The following HINT1 variants were observed in gnomAD, a reference collection of about 807,000 sequenced individuals.
HINT1 encodes the protein adenosine 5'-monophosphoramidase HINT1.
In HINT1, 12 loss-of-function variants were observed where a neutral mutation model predicts 11.2. The ratio of observed to expected loss-of-function variants is 1.07; its 90% confidence interval spans 0.69 to 1.74. The LOEUF (loss-of-function observed/expected upper bound fraction) is 1.74. HINT1 is among the 40% of genes most tolerant of loss of function. The pLI is 0.00. For synonymous variants in HINT1, 42 were observed against 52.6 expected (o/e 0.80, Z 0.87); for missense variants, 150 against 161.8 (o/e 0.93, Z 0.40).
At chr5:131,163,563 G>A (rs1029155875) in intron 1 of HINT1, among the ~76,000 whole-genome samples, 18 of 150,180 alleles carry the variant, frequency 1.2e-4, no homozygotes, top group Middle Eastern at 7.0e-3. Context: ...CCAGGTCAGA[G>A]TCCTAGTTGT....
Position 131,165,235 on chromosome 5 carries a change from G to A in HINT1, c.-30C>T, listed in dbSNP as rs1162559436. On this transcript the variant is annotated 5_prime_UTR_variant, in exon 1 of 3. Transcript: ENST00000304043. ...GCCTCTCTCCCGCGCGGCGGCCAGAGGAGAGGCTCGGAAGAAGGGAGGAAC... is the reference window on the plus strand; with the variant it reads ...GCCTCTCTCCCGCGCGGCGGCCAGAAGAGAGGCTCGGAAGAAGGGAGGAAC... The A allele has an allele frequency of 8.8e-6, 14 of 1,595,974 alleles. No individual in the cohort carries two copies. The highest frequency in any genetic ancestry group is 1.2e-5 in the Non-Finnish European group (14 of 1,176,884).
Position 131,162,249 on chromosome 5 carries a change from G to T in HINT1, c.216+323C>A, listed in dbSNP as rs564168164. The T allele has an allele frequency of 1.0e-4, 60 of 599,852 alleles. 1 individual carries two copies. The African/African-American group carries it at 1.0e-3, about 10-fold the overall frequency. The allele number at this position is 599,852 out of a possible 1,614,324, so 37.2% of individuals were successfully genotyped here. A position where few individuals can be genotyped will look rare whatever the true frequency, so the allele number is the denominator to read the frequency against. The stretch of plus-strand genomic sequence containing the variant: ...GAGGCAGGAGAATGGTGTGAACCAG[G>T]GAGGTGGAGCTTGCAGTGAGCCGAG... On this transcript the variant is annotated intron_variant, in intron 2 of 2. Transcript: ENST00000304043.
chr5:131,162,964 A>G (rs932351509), intron 1 of HINT1, among the ~76,000 whole-genome samples: 1 of 151,904 alleles, frequency 6.6e-6, no homozygotes, highest in Non-Finnish European at 1.5e-5. Flanking sequence ...CGGCCTCCCA[A>G]GTAGCTGGGA....
chr5:131,163,745 CTAAT>C (rs891856942), intron 1 of HINT1, among the ~76,000 whole-genome samples: 4 of 152,122 alleles, frequency 2.6e-5, no homozygotes, highest in East Asian at 1.9e-4. Flanking sequence ...AGCATTTAGA[CTAAT>C]TATTTAAAAC....
Position 131,162,409 on chromosome 5 carries a change from C to G in HINT1, c.216+163G>C, listed in dbSNP as rs979039347. The G allele has an allele frequency of 2.8e-6, 4 of 1,416,006 alleles. No individual in the cohort carries two copies. The African/African-American group carries it at 5.7e-5, about 20-fold the overall frequency. The allele number at this position is 1,416,006 out of a possible 1,614,324, so 87.7% of individuals were successfully genotyped here. A position where few individuals can be genotyped will look rare whatever the true frequency, so the allele number is the denominator to read the frequency against. ...ATTGCTGGTGGGATACAAAATGATG[C>G]AGTAACTTTGGAAAACAGCTGGGCA... On this transcript the variant is annotated intron_variant, in intron 2 of 2. Coordinates refer to ENST00000304043, the MANE Select transcript of HINT1 (RefSeq NM_005340.7).
chr5:131,163,785 TGAATATTTTC>T (rs1284984424), intron 1 of HINT1, among the ~76,000 whole-genome samples: 2 of 152,200 alleles, frequency 1.3e-5, no homozygotes, highest in Non-Finnish European at 2.9e-5. Flanking sequence ...ACATATGACA[TGAATATTTTC>T]GAATCTCTTG....
At position 131,162,385 on chromosome 5, in the gene HINT1, T is replaced by C. The variant is rs1263970446; in HGVS notation, c.216+187A>G. The C allele has an allele frequency of 3.4e-6, 4 of 1,179,914 alleles. No homozygotes were observed. In the South Asian group the frequency reaches 3.9e-5, roughly 12 times the overall value. 73.1% of individuals were successfully genotyped at this position (1,179,914 alleles called of 1,614,324 possible). A position where few individuals can be genotyped will look rare whatever the true frequency, so the allele number is the denominator to read the frequency against. Reference sequence around the variant, plus strand: ...ACGGAGAAGCTGGAACGCTCATTCATTGCTGGTGGGATACAAAATGATGCA... The same window carrying C: ...ACGGAGAAGCTGGAACGCTCATTCACTGCTGGTGGGATACAAAATGATGCA... On this transcript the variant is annotated intron_variant, in intron 2 of 2. Coordinates refer to ENST00000304043, the MANE Select transcript of HINT1 (RefSeq NM_005340.7).
At chr5:131,162,697 T>A in intron 1 of HINT1, 21 bp from the exon 2 acceptor site, 7 of 1,484,278 alleles carry the variant, frequency 4.7e-6, no homozygotes, top group Non-Finnish European at 6.5e-6. Context: ...GAGAAATAAA[T>A]AAATAAATCA....
intron 2 of HINT1, 194 bp downstream of exon 2, chr5:131,162,378 T>G (rs1278251982): frequency 1.9e-6 from 2 of 1,037,860 alleles, no homozygotes; most frequent in South Asian, 2.7e-5. Flanking sequence ...GCTGGAACGC[T>G]CATTCATTGC....
At chr5:131,160,283 T>A (rs1327753137) in intron 2 of HINT1, among the ~76,000 whole-genome samples, 3 of 152,232 alleles carry the variant, frequency 2.0e-5, no homozygotes, top group African/African-American at 7.2e-5. Context: ...TCTATTGCAT[T>A]GTCGGGACTT....
chr5:131,160,968 C>G, intron 2 of HINT1: 1 of 351,374 alleles, frequency 2.8e-6, no homozygotes, highest in Non-Finnish European at 5.8e-6. Context: ...GTGTCTTACA[C>G]GCATTTTCAA....
intron 2 of HINT1, chr5:131,162,318 CAAAA>C (rs58181774): frequency 3.3e-4 from 192 of 585,474 alleles, no homozygotes; most frequent in South Asian, 4.5e-4. Context: ...GACTCTGTCT[CAAAA>C]AAAAAAAAAA....
intron 2 of HINT1, among the ~76,000 whole-genome samples, chr5:131,161,649 A>G (rs1226380811): frequency 2.6e-5 from 4 of 152,182 alleles, no homozygotes; most frequent in South Asian, 2.1e-4. Flanking sequence ...GTTATTGCAT[A>G]TAAGACGGTA....
intron 2 of HINT1, 23 bp from the exon 3 acceptor site, chr5:131,159,634 T>C (rs1755199167): frequency 6.2e-7 from 1 of 1,601,910 alleles, no homozygotes; most frequent in South Asian, 1.1e-5. Flanking sequence ...AAAAAGTTTC[T>C]TAGGCACAGG....
In HINT1 at chr5:131,161,082, G is replaced by A. The variant is rs902161890; in HGVS notation, c.217-1471C>T. 2.0e-5 allele frequency among the ~76,000 whole-genome samples: 3 copies of A among 152,184 alleles called. No individual in the cohort carries two copies. The South Asian group carries it at 6.2e-4, about 32-fold the overall frequency. The stretch of plus-strand genomic sequence containing the variant: ...ATTTTGTACAGCAGATACCTATATT[G>A]GTCACAACATTTAATTATGAATTAG... On this transcript the variant is annotated intron_variant, in intron 2 of 2. Transcript: ENST00000304043.
chr5:131,159,940 C>T (rs1441360483), intron 2 of HINT1, among the ~76,000 whole-genome samples: 5 of 152,088 alleles, frequency 3.3e-5, no homozygotes, highest in African/African-American at 4.8e-5. Flanking sequence ...CAGCCTCGAC[C>T]TCCCAGGTTG....
In HINT1 at chr5:131,165,075, A is replaced by G; in HGVS notation, c.111+20T>C. ...CGATACCCACCTCAGCAGGCGAGAG[A>G]GGTGGTGCCCAGTACCTACCCGGTC... On this transcript the variant is annotated intron_variant, in intron 1 of 2. Coordinates refer to ENST00000304043, the MANE Select transcript of HINT1 (RefSeq NM_005340.7). 1 of 1,613,450 alleles carries G rather than the reference A, an allele frequency of 6.2e-7. No individual in the cohort carries two copies. Among genetic ancestry groups the G allele is most frequent in the Non-Finnish European group, 8.5e-7 (1 of 1,179,784 alleles).
chr5:131,165,208 C>A lies in HINT1; in HGVS notation c.-3G>T. On this transcript the variant is annotated 5_prime_UTR_variant, in exon 1 of 3. Transcript: ENST00000304043. Reference sequence around the variant, plus strand: ...GCCTTGGCAATCTCATCTGCCATCTCGGCCTCTCTCCCGCGCGGCGGCCAG... The same window carrying A: ...GCCTTGGCAATCTCATCTGCCATCTAGGCCTCTCTCCCGCGCGGCGGCCAG... 6.2e-7 allele frequency: 1 copy of A among 1,604,962 alleles called. No individual in the cohort carries two copies. Among genetic ancestry groups the A allele is most frequent in the Non-Finnish European group, 8.5e-7 (1 of 1,179,756 alleles).
intron 1 of HINT1, among the ~76,000 whole-genome samples, chr5:131,162,903 T>C (rs911878178): frequency 6.6e-6 from 1 of 152,002 alleles, no homozygotes; most frequent in Non-Finnish European, 1.5e-5. Flanking sequence ...AATGGCATGA[T>C]CTCAGCTCAC....
Sources: allele counts gnomAD v4.1 joint callset (sites outside exome capture counted in the v4.1 genomes callset), GRCh38; gene constraint gnomAD v4.1.1; transcripts MANE v1.5; gene names NCBI Gene and HGNC (gene_info 2026-07-23, HGNC 2026-07-21).